Variants in UBE2E2 observed in about 807,000 individuals in gnomAD.
UBE2E2 encodes the protein ubiquitin conjugating enzyme E2 E2, also known as ubiquitin-conjugating enzyme E2 E2.
A neutral mutation model predicts 24.7 loss-of-function variants in UBE2E2; 6 were observed. That is an observed-to-expected ratio of 0.24 (90% CI 0.13 to 0.48). The LOEUF (loss-of-function observed/expected upper bound fraction) is 0.48. Ranked by LOEUF, UBE2E2 falls within the 20% of genes least tolerant of loss-of-function variation. The pLI is 0.99. For synonymous variants in UBE2E2, 104 were observed against 83.6 expected (o/e 1.24, Z -1.33); for missense variants, 169 against 245.0 (o/e 0.69, Z 2.07).
chr3:23,434,296 A>G (rs536801208), intron 3 of UBE2E2, among the ~76,000 whole-genome samples: 2 of 152,278 alleles, frequency 1.3e-5, no homozygotes, highest in South Asian at 2.1e-4. Flanking sequence ...GTAACATCCA[A>G]TTGCTTACTA....
chr3:23,322,028 T>C (rs1051094257), intron 3 of UBE2E2, among the ~76,000 whole-genome samples: 1 of 152,212 alleles, frequency 6.6e-6, no homozygotes, highest in African/African-American at 2.4e-5. Context: ...ATAGAAATTA[T>C]TTTAAAGTTT....
Position 23,589,693 on chromosome 3 carries a change from G to A in UBE2E2, c.509-41G>A, listed in dbSNP as rs776882891. 17 of 1,604,076 alleles carry A rather than the reference G, an allele frequency of 1.1e-5. No individual in the cohort carries two copies. The highest frequency in any genetic ancestry group is 1.5e-5 in the Non-Finnish European group (17 of 1,171,398). On this transcript the variant is annotated intron_variant, in intron 5 of 5. Coordinates refer to ENST00000396703, the MANE Select transcript of UBE2E2 (RefSeq NM_152653.4). The surrounding 1 kb of genome is among the most constrained non-coding windows in gnomAD (Gnocchi z 4.1). ...CTTTCTGAACACTTCTTCCCCCACA[G>A]TGCTGGTATTTACTGACTCCCAACT... is the stretch of plus-strand genomic sequence containing the variant.
intron 3 of UBE2E2, among the ~76,000 whole-genome samples, chr3:23,433,029 C>A (rs79628500): frequency 6.6e-6 from 1 of 151,712 alleles, no homozygotes; most frequent in African/African-American, 2.4e-5. Flanking sequence ...ACTTATGATG[C>A]CTTTAATACT....
chr3:23,485,032 A>T (rs1331289549), intron 3 of UBE2E2, among the ~76,000 whole-genome samples: 1 of 150,224 alleles, frequency 6.7e-6, no homozygotes. Context: ...GTCCTGTGGG[A>T]GTCTTGATTT....
At chr3:23,271,164 G>A (rs1698230703) in intron 3 of UBE2E2, 2 of 412,368 alleles carry the variant, frequency 4.9e-6, no homozygotes, top group East Asian at 1.4e-4. Flanking sequence ...CAAGTATTGT[G>A]TCTGGAATTG....
intron 3 of UBE2E2, among the ~76,000 whole-genome samples, chr3:23,281,603 A>G (rs1202534817): frequency 6.6e-6 from 1 of 152,214 alleles, no homozygotes; most frequent in Non-Finnish European, 1.5e-5. Context: ...GCACCACTGC[A>G]TTCCAGCCTG....
intron 3 of UBE2E2, among the ~76,000 whole-genome samples, chr3:23,290,786 C>T (rs769949514): frequency 6.6e-6 from 1 of 150,878 alleles, no homozygotes; most frequent in African/African-American, 2.4e-5. Context: ...GGCGTGGTGG[C>T]TCTCACCTGT....
At chr3:23,451,104 T>G (rs1698552891) in intron 3 of UBE2E2, among the ~76,000 whole-genome samples, 1 of 152,236 alleles carries the variant, frequency 6.6e-6, no homozygotes, top group East Asian at 1.9e-4. Context: ...TGTAAAACTT[T>G]TTAAATGTTT....
chr3:23,318,590 G>C (rs935978344), intron 3 of UBE2E2, among the ~76,000 whole-genome samples: 1 of 151,960 alleles, frequency 6.6e-6, no homozygotes, highest in Non-Finnish European at 1.5e-5. Context: ...CAAAAGGCAC[G>C]TCTATGTGGT....
chr3:23,362,146 T>C (rs1022396805), intron 3 of UBE2E2, among the ~76,000 whole-genome samples: 1 of 152,124 alleles, frequency 6.6e-6, no homozygotes, highest in African/African-American at 2.4e-5. Context: ...CCTGACCCTG[T>C]AGGCTGATGA....
chr3:23,368,196 T>C (rs1696311427), intron 3 of UBE2E2, among the ~76,000 whole-genome samples: 1 of 152,200 alleles, frequency 6.6e-6, no homozygotes, highest in Admixed American at 6.5e-5. Flanking sequence ...TCTCACTTCA[T>C]AAAAATTATA....
At position 23,419,965 on chromosome 3, in the gene UBE2E2, G is replaced by A. The variant is rs1384368128; in HGVS notation, c.228-79643G>A. Among the ~76,000 whole-genome samples the A allele has an allele frequency of 2.0e-5, 3 of 152,118 alleles. No individual in the cohort carries two copies. In the East Asian group the frequency reaches 5.8e-4, roughly 29 times the overall value. On this transcript the variant is annotated intron_variant, in intron 3 of 5. Transcript: ENST00000396703. ...CAGCAGTTACTACTGTTGGGTGTGGGACAAAATGCCTACTACTGGTGGGCT... is the reference window on the plus strand; with the variant it reads ...CAGCAGTTACTACTGTTGGGTGTGGAACAAAATGCCTACTACTGGTGGGCT...
intron 3 of UBE2E2, among the ~76,000 whole-genome samples, chr3:23,360,451 A>G (rs575311866): frequency 6.6e-5 from 10 of 152,218 alleles, no homozygotes; most frequent in African/African-American, 2.2e-4. Flanking sequence ...AGAGCTTGCT[A>G]TGTAATTGTT....
chr3:23,242,554 C>G (rs1355725589), intron 3 of UBE2E2, among the ~76,000 whole-genome samples: 1 of 151,882 alleles, frequency 6.6e-6, no homozygotes, highest in African/African-American at 2.4e-5. Context: ...CACCATTTTA[C>G]CAGAATCTGT....
At chr3:23,541,501 T>A (rs1164027325) in intron 5 of UBE2E2, among the ~76,000 whole-genome samples, 1 of 152,226 alleles carries the variant, frequency 6.6e-6, no homozygotes, top group Non-Finnish European at 1.5e-5. Flanking sequence ...ATTCACACAA[T>A]AAGCAGTACA....
chr3:23,538,431 C>T (rs765836725), intron 5 of UBE2E2, among the ~76,000 whole-genome samples: 1 of 152,178 alleles, frequency 6.6e-6, no homozygotes, highest in African/African-American at 2.4e-5. Context: ...TCATACTTTG[C>T]TCCTGTTGTT....
At chr3:23,511,060 T>A (rs955498659) in intron 4 of UBE2E2, among the ~76,000 whole-genome samples, 1 of 152,212 alleles carries the variant, frequency 6.6e-6, no homozygotes, top group Non-Finnish European at 1.5e-5. Context: ...AAGTGAGCAA[T>A]GGCATGCCCC....
intron 5 of UBE2E2, among the ~76,000 whole-genome samples, chr3:23,542,151 C>G (rs2125492863): frequency 6.6e-6 from 1 of 152,178 alleles, no homozygotes; most frequent in Middle Eastern, 3.4e-3. Context: ...TGCCAGCCAC[C>G]CGTGGTCATC....
At chr3:23,483,173 G>A (rs1406512697) in intron 3 of UBE2E2, among the ~76,000 whole-genome samples, 1 of 152,178 alleles carries the variant, frequency 6.6e-6, no homozygotes, top group Non-Finnish European at 1.5e-5. Context: ...TCAGAGTGTT[G>A]CATGGAAAAG....
Sources: gnomAD v4.1 joint callset for allele counts (sites outside exome capture counted in the v4.1 genomes callset) on GRCh38, gnomAD v4.1.1 for gene constraint, Gnocchi (gnomAD v3.1) non-coding constraint, MANE v1.5 for transcripts, NCBI Gene and HGNC (gene_info 2026-07-23, HGNC 2026-07-21) for gene names.